Variants in DNAH11 observed in about 807,000 individuals in gnomAD.
The protein encoded by DNAH11 is axonemal beta dynein heavy chain 11.
DNAH11 carries 442 observed loss-of-function variants against 526.0 expected under a neutral mutation model. The observed-to-expected ratio is 0.84, with a 90% CI of 0.78 to 0.91. DNAH11 has a LOEUF of 0.91. Among genes scored for constraint, DNAH11 ranks in the 40% least tolerant of loss-of-function variants. The probability of loss-of-function intolerance (pLI) is 0.00; values close to 1 mark genes in which losing one functional copy is unlikely to be tolerated. For synonymous variants in DNAH11, 2,461 were observed against 1,935.9 expected (o/e 1.27, Z -7.12); for missense variants, 6,989 against 5,448.7 (o/e 1.28, Z -8.90).
At chr7:21,660,125 C>T (rs1782184804) in intron 30 of DNAH11, among the ~76,000 whole-genome samples, 3 of 151,984 alleles carry the variant, frequency 2.0e-5, no homozygotes, top group Non-Finnish European at 4.4e-5. Flanking sequence ...GTAACTACCA[C>T]TTGGATGCTG....
chr7:21,658,216 C>A (rs939751393), intron 29 of DNAH11, among the ~76,000 whole-genome samples: 1 of 151,914 alleles, frequency 6.6e-6, no homozygotes, highest in Non-Finnish European at 1.5e-5. Context: ...CTAATACTCT[C>A]CTGTGGTCTA....
chr7:21,678,592 A>C (rs1336227741), intron 30 of DNAH11, among the ~76,000 whole-genome samples: 2 of 152,168 alleles, frequency 1.3e-5, no homozygotes, highest in African/African-American at 4.8e-5. Context: ...CTGCAAAAAA[A>C]AAAATGGCAT....
chr7:21,786,695 G>T lies in DNAH11; in HGVS notation c.9669G>T (p.Met3223Ile), dbSNP rs761995411. Residue 3223 changes from methionine (M) to isoleucine (I), a missense_variant, in exon 59 of 82, where the codon ATG (methionine) becomes ATT (isoleucine). Coordinates refer to ENST00000409508, the MANE Select transcript of DNAH11 (RefSeq NM_001277115.2). ...TTACCAATGTTACTGCAGCCGTGATGGTCCTTCTGGCTCCTCGGGGAAGAG... is the reference window on the plus strand; with the variant it reads ...TTACCAATGTTACTGCAGCCGTGATTGTCCTTCTGGCTCCTCGGGGAAGAG... ...IAVTNVTAAV[M>I]VLLAPRGRVP... 1.2e-6 allele frequency: 2 copies of T among 1,613,702 alleles called. No homozygotes were observed. Among genetic ancestry groups the T allele is most frequent in the African/African-American group, 2.7e-5 (2 of 74,904 alleles).
chr7:21,720,001 C>A (rs916577299), intron 43 of DNAH11, among the ~76,000 whole-genome samples: 1 of 152,198 alleles, frequency 6.6e-6, no homozygotes, highest in Non-Finnish European at 1.5e-5. Flanking sequence ...TCATTGCTGG[C>A]GCAACTGCCC....
chr7:21,631,869 C>T (rs1380067685), intron 25 of DNAH11, among the ~76,000 whole-genome samples: 1 of 152,222 alleles, frequency 6.6e-6, no homozygotes, highest in Non-Finnish European at 1.5e-5. Context: ...CTTCACTAGT[C>T]AGTGCCCCAG....
chr7:21,593,512 T>C (rs2128444457), intron 14 of DNAH11, among the ~76,000 whole-genome samples: 1 of 152,226 alleles, frequency 6.6e-6, no homozygotes, highest in East Asian at 1.9e-4. Context: ...AGGATGTTTG[T>C]ATGTTAACTG....
rs372266200 is a variant in DNAH11 at position 21,836,311 on chromosome 7, AAAC to A, written c.10692-6230_10692-6228del. On this transcript the variant is annotated intron_variant, in intron 65 of 81. Transcript: ENST00000409508. ...TAGCCAAACCAACCTTGAGCAAAAA[AAAC>A]AAAGCTAGAGGCATCACACTACCTG... Among the ~76,000 whole-genome samples, 596 of 152,182 alleles carry A rather than the reference AAAC, an allele frequency of 3.9e-3. 3 individuals carry two copies. The highest frequency in any genetic ancestry group is 0.014 in the African/African-American group (566 of 41,570).
In DNAH11 at chr7:21,687,461, A is replaced by G; in HGVS notation, c.5858A>G (p.Glu1953Gly). The G allele has an allele frequency of 1.9e-6, 3 of 1,613,958 alleles. No homozygotes were observed. Among genetic ancestry groups the G allele is most frequent in the Non-Finnish European group, 2.5e-6 (3 of 1,179,928 alleles). The change falls in exon 34 of 82, where the codon GAA (glutamate) becomes GGA (glycine). Residue 1953 changes from glutamate (E) to glycine (G), a missense_variant. Coordinates refer to ENST00000409508, the MANE Select transcript of DNAH11 (RefSeq NM_001277115.2). ...GATGAGTTCAACCGAATCTCTGTGG[A>G]AGTTCTGTCAGTGGTGGCAGTACAA... ...CFDEFNRISV[E>G]VLSVVAVQVK...
intron 25 of DNAH11, among the ~76,000 whole-genome samples, chr7:21,623,278 C>G (rs1329447405): frequency 6.6e-6 from 1 of 151,622 alleles, no homozygotes; most frequent in African/African-American, 2.4e-5. Context: ...CCATCTCACA[C>G]CAGTTAGAAT....
chr7:21,553,719 C>T (rs1359258314), intron 2 of DNAH11, among the ~76,000 whole-genome samples: 1 of 152,130 alleles, frequency 6.6e-6, no homozygotes, highest in Non-Finnish European at 1.5e-5. Context: ...TTCTTTGTGT[C>T]GAAATCTGTC....
chr7:21,606,591 A>C, intron 19 of DNAH11, 49 bp downstream of exon 19: 1 of 1,500,992 alleles, frequency 6.7e-7, no homozygotes, highest in Non-Finnish European at 9.1e-7. Flanking sequence ...TACTAGGATA[A>C]TTGAAGTATT....
chr7:21,555,423 T>A (rs3924044), intron 2 of DNAH11, among the ~76,000 whole-genome samples: 1 of 152,154 alleles, frequency 6.6e-6, no homozygotes, highest in African/African-American at 2.4e-5. Flanking sequence ...AATTTCTGTC[T>A]CCCATTTTTG....
At chr7:21,818,628 C>G (rs749417586) in intron 65 of DNAH11, among the ~76,000 whole-genome samples, 12 of 152,152 alleles carry the variant, frequency 7.9e-5, no homozygotes, top group Non-Finnish European at 1.8e-4. Context: ...ACCAATGTTT[C>G]TCTAACTTCA....
chr7:21,582,117 C>A, intron 9 of DNAH11, 96 bp downstream of exon 9: 1 of 730,388 alleles, frequency 1.4e-6, no homozygotes, highest in Non-Finnish European at 2.4e-6. Context: ...AGAGTATTCA[C>A]TAGGTTAACT....
At chr7:21,861,791 G>T (rs1400388810) in intron 68 of DNAH11, 62 bp from the exon 69 acceptor site, 3 of 1,586,486 alleles carry the variant, frequency 1.9e-6, no homozygotes, top group Non-Finnish European at 8.6e-7. Flanking sequence ...CCTGTGTATC[G>T]GGGGTAGCTA....
At chr7:21,784,402 T>A in intron 57 of DNAH11, 25 bp from the exon 58 acceptor site, 1 of 1,546,790 alleles carries the variant, frequency 6.5e-7, no homozygotes, top group Non-Finnish European at 8.9e-7. Flanking sequence ...TTATACGGGT[T>A]TGTGTGCTTT....
Position 21,899,322 on chromosome 7 carries a change from C to T in DNAH11, c.13050-14C>T. 1 of 1,608,826 alleles carries T rather than the reference C, an allele frequency of 6.2e-7. No homozygotes were observed. Reference sequence around the variant, plus strand: ...CTGAACAGCAAGTTTTTCTTCCTCCCTCCCATAAACCAGGTTCAATGACCT... The same window carrying T: ...CTGAACAGCAAGTTTTTCTTCCTCCTTCCCATAAACCAGGTTCAATGACCT... On this transcript the variant is annotated splice_polypyrimidine_tract_variant and intron_variant, in intron 79 of 81. Transcript: ENST00000409508.
intron 30 of DNAH11, 67 bp downstream of exon 30, chr7:21,659,098 CT>C (rs1782140341): frequency 7.7e-7 from 1 of 1,294,636 alleles, no homozygotes; most frequent in Non-Finnish European, 1.1e-6. Flanking sequence ...TTCATTCATT[CT>C]TTTAGTCATT....
At position 21,600,837 on chromosome 7, in the gene DNAH11, G is replaced by T. The variant is rs888122554; in HGVS notation, c.3162G>T (p.Leu1054Phe). The T allele has an allele frequency of 8.1e-6, 13 of 1,613,804 alleles. No individual in the cohort carries two copies. The highest frequency in any genetic ancestry group is 8.5e-6 in the Non-Finnish European group (10 of 1,179,872). ...CTGAGTTTATGAAGCATTTTCTCTT[G>T]TATGGCCATGCTGTGTCTTCCGATG... ...DRAEFMKHFL[L>F]YGHAVSSDEM... Residue 1054 changes from leucine to phenylalanine, a missense_variant, in exon 16 of 82, where the codon TTG (leucine) becomes TTT (phenylalanine). Transcript: ENST00000409508.
Sources: allele counts gnomAD v4.1 joint callset (sites outside exome capture counted in the v4.1 genomes callset), GRCh38; gene constraint gnomAD v4.1.1; transcripts MANE v1.5; gene names NCBI Gene and HGNC (gene_info 2026-07-23, HGNC 2026-07-21).